ERBB4: variants seen among roughly 807,000 people sequenced by gnomAD.
ERBB4 encodes the protein erb-b2 receptor tyrosine kinase 4.
A neutral mutation model predicts 158.0 loss-of-function variants in ERBB4; 42 were observed. The observed-to-expected ratio is 0.27, with a 90% CI of 0.21 to 0.34. The LOEUF is 0.34. ERBB4 is among the 10% of genes least tolerant of loss of function. ERBB4 has a pLI of 1.00. For missense variants in ERBB4, 1,333 were observed against 1,624.1 expected, an observed-to-expected ratio of 0.82 and a Z score of 3.08; for synonymous variants, 583 against 558.7, an observed-to-expected ratio of 1.04 and a Z score of -0.61.
At chr2:212,327,475 A>G (rs2087902315) in intron 1 of ERBB4, among the ~76,000 whole-genome samples, 1 of 151,932 alleles carries the variant, frequency 6.6e-6, no homozygotes, top group Admixed American at 6.6e-5. Context: ...AAGTATTAAC[A>G]AGAAAAGAAC....
At chr2:211,713,411 A>C (rs2073778888) in intron 8 of ERBB4, 124 bp downstream of exon 8, 1 of 697,330 alleles carries the variant, frequency 1.4e-6, no homozygotes, top group Admixed American at 2.2e-5. Flanking sequence ...AAATTATGGA[A>C]AGCGTGTGGG....
intron 27 of ERBB4, among the ~76,000 whole-genome samples, chr2:211,385,338 G>A (rs2062662840): frequency 6.6e-6 from 1 of 152,056 alleles, no homozygotes; most frequent in Admixed American, 6.6e-5. Flanking sequence ...CAGCTTTGTA[G>A]ACAGAAAAAT....
intron 2 of ERBB4, among the ~76,000 whole-genome samples, chr2:212,062,965 ACT>A (rs2077826177): frequency 6.6e-6 from 1 of 152,202 alleles, no homozygotes; most frequent in Admixed American, 6.5e-5. Context: ...TACCTAGCTC[ACT>A]GAGTTATTGT....
At chr2:211,409,224 A>C (rs1272303081) in intron 25 of ERBB4, among the ~76,000 whole-genome samples, 1 of 152,052 alleles carries the variant, frequency 6.6e-6, no homozygotes, top group East Asian at 1.9e-4. Flanking sequence ...AAAAAACCTT[A>C]CTTTTTACCA....
Position 211,561,946 on chromosome 2 carries a change from A to G in ERBB4, c.2444T>C (p.Ile815Thr), listed in dbSNP as rs1264168721. 8.1e-6 allele frequency: 13 copies of G among 1,614,032 alleles called. No individual in the cohort carries two copies. Among genetic ancestry groups the G allele is most frequent in the Non-Finnish European group, 1.1e-5 (13 of 1,180,044 alleles). Residue 815 changes from isoleucine to threonine, a missense_variant, in exon 20 of 28, where the codon ATT becomes ACT. Transcript: ENST00000342788. ...LEYVHEHKDN[I>T]GSQLLLNWCV... ...CCAGTTAAGCAGCAGTTGTGATCCA[A>G]TGTTATCCTTGTGCTCGTGGACATA... is the stretch of plus-strand genomic sequence containing the variant.
At chr2:211,773,434 G>A (rs59714221) in intron 4 of ERBB4, among the ~76,000 whole-genome samples, 21,952 of 149,246 alleles carry the variant, frequency 0.15, 1,824 homozygotes, top group South Asian at 0.33. Flanking sequence ...TCAGGAAAAA[G>A]TAATAATACT....
At chr2:212,253,351 C>A (rs868714343) in intron 1 of ERBB4, among the ~76,000 whole-genome samples, 1 of 151,960 alleles carries the variant, frequency 6.6e-6, no homozygotes, top group Admixed American at 6.6e-5. Context: ...ATTGAGTGAA[C>A]ATCTCAGGTA....
chr2:211,740,177 A>G (rs1253155571), intron 5 of ERBB4, among the ~76,000 whole-genome samples: 3 of 152,216 alleles, frequency 2.0e-5, no homozygotes, highest in Admixed American at 6.5e-5. Context: ...TTCCGTGGTC[A>G]TAATGCTCTA....
intron 1 of ERBB4, among the ~76,000 whole-genome samples, chr2:212,427,879 T>C (rs533020057): frequency 6.6e-6 from 1 of 152,136 alleles, no homozygotes; most frequent in South Asian, 2.1e-4. Flanking sequence ...GCAAGACACA[T>C]GAAAAGCTAG....
At chr2:212,073,817 T>G (rs2078198231) in intron 2 of ERBB4, among the ~76,000 whole-genome samples, 1 of 152,050 alleles carries the variant, frequency 6.6e-6, no homozygotes, top group African/African-American at 2.4e-5. Flanking sequence ...TGATTATTTT[T>G]TTACATTCAA....
chr2:212,526,216 G>A (rs1402775888), intron 1 of ERBB4, among the ~76,000 whole-genome samples: 2 of 152,038 alleles, frequency 1.3e-5, no homozygotes, highest in South Asian at 2.1e-4. Context: ...GAAATAGCAT[G>A]TATCGGATCT....
intron 16 of ERBB4, among the ~76,000 whole-genome samples, chr2:211,633,068 C>T (rs2070206710): frequency 6.6e-6 from 1 of 152,044 alleles, no homozygotes; most frequent in South Asian, 2.1e-4. Flanking sequence ...GGGAATATTC[C>T]ATAAGACAAC....
rs541322231 is a variant in ERBB4 at position 211,722,464 on chromosome 2, G to A, written c.812C>T (p.Thr271Ile). Residue 271 changes from threonine to isoleucine, a missense_variant, in exon 7 of 28, where the codon ACC becomes ATC. By Grantham distance (89) the Thr-to-Ile change is moderately conservative. Coordinates refer to ENST00000342788, the MANE Select transcript of ERBB4 (RefSeq NM_005235.3). Reference protein sequence around the residue: ...QCPQTFVYNPTTFQLEHNFNA... With the variant: ...QCPQTFVYNPITFQLEHNFNA... The stretch of plus-strand genomic sequence containing the variant: ...GAAATTGTGCTCCAGTTGAAAGGTG[G>A]TTGGATTGTAGACAAAGGTTTGGGG... The A allele has an allele frequency of 5.0e-6, 8 of 1,613,564 alleles. No individual in the cohort carries two copies. Among genetic ancestry groups the A allele is most frequent in the South Asian group, 4.4e-5 (4 of 91,082 alleles).
intron 1 of ERBB4, among the ~76,000 whole-genome samples, chr2:212,402,057 T>C (rs2091222034): frequency 6.6e-6 from 1 of 152,174 alleles, no homozygotes; most frequent in African/African-American, 2.4e-5. Flanking sequence ...CAAAACCCTT[T>C]GTACTAAAGT....
At chr2:212,496,943 G>C (rs1331321730) in intron 1 of ERBB4, among the ~76,000 whole-genome samples, 1 of 151,990 alleles carries the variant, frequency 6.6e-6, no homozygotes. Context: ...ACTTTGGGAG[G>C]CCGATGGGGG....
chr2:211,935,676 G>A (rs935744066), intron 3 of ERBB4, among the ~76,000 whole-genome samples: 2 of 152,040 alleles, frequency 1.3e-5, no homozygotes, highest in Admixed American at 1.3e-4. Flanking sequence ...CTTATAGGCA[G>A]CCTGTTGTGG....
chr2:211,602,408 C>A (rs2068829021), intron 19 of ERBB4, among the ~76,000 whole-genome samples: 1 of 151,978 alleles, frequency 6.6e-6, no homozygotes, highest in South Asian at 2.1e-4. Flanking sequence ...GCACCCACTC[C>A]CCCACAGCAG....
intron 19 of ERBB4, among the ~76,000 whole-genome samples, chr2:211,583,098 T>C (rs982192604): frequency 6.6e-6 from 1 of 152,122 alleles, no homozygotes; most frequent in Non-Finnish European, 1.5e-5. Context: ...TGAAAGTAAA[T>C]ATCTACAGAT....
At chr2:211,479,597 G>A (rs926904561) in intron 20 of ERBB4, among the ~76,000 whole-genome samples, 2 of 152,122 alleles carry the variant, frequency 1.3e-5, no homozygotes, top group African/African-American at 2.4e-5. Flanking sequence ...AAATCCATCT[G>A]ATAGAGGACA....
Sources: allele counts gnomAD v4.1 joint callset (sites outside exome capture counted in the v4.1 genomes callset), GRCh38; gene constraint gnomAD v4.1.1; transcripts MANE v1.5; gene names NCBI Gene and HGNC (gene_info 2026-07-23, HGNC 2026-07-21).